RPTOR: variants seen among roughly 807,000 people sequenced by gnomAD.
The protein encoded by RPTOR is regulatory associated protein of MTOR complex 1, also known as regulatory-associated protein of mTOR.
RPTOR carries 21 observed loss-of-function variants against 169.9 expected under a neutral mutation model. That is an observed-to-expected ratio of 0.12 (90% CI 0.09 to 0.18). The LOEUF (loss-of-function observed/expected upper bound fraction) is 0.18. Ranked by LOEUF, RPTOR falls within the 10% of genes least tolerant of loss-of-function variation. The pLI, the probability that RPTOR is intolerant of heterozygous loss-of-function variation, is 1.00. For synonymous variants in RPTOR, 732 were observed against 753.2 expected (o/e 0.97, Z 0.46); for missense variants, 1,133 against 1,855.9 (o/e 0.61, Z 7.16).
chr17:80,671,309 C>T lies in RPTOR; in HGVS notation c.348+27499C>T, dbSNP rs1000636249. 7.2e-5 allele frequency among the ~76,000 whole-genome samples: 11 copies of T among 152,206 alleles called. No homozygotes were observed. The South Asian group carries it at 1.0e-3, about 14-fold the overall frequency. On this transcript the variant is annotated intron_variant, in intron 3 of 33. Transcript: ENST00000306801. ...TGTTCCTGATAATCAAATTTATGGG[C>T]GTGCGTGTGAGAGAGAGAGAGTGTG... is the stretch of plus-strand genomic sequence containing the variant.
At chr17:80,602,563 C>T (rs2065197850) in intron 1 of RPTOR, 1 of 586,634 alleles carries the variant, frequency 1.7e-6, no homozygotes, top group Non-Finnish European at 3.2e-6. Flanking sequence ...TTCTCATCCA[C>T]ATTGACTGTC....
chr17:80,643,387 T>G (rs2065568422), intron 2 of RPTOR, among the ~76,000 whole-genome samples: 1 of 152,218 alleles, frequency 6.6e-6, no homozygotes, highest in African/African-American at 2.4e-5. Flanking sequence ...ATGCTGTCAC[T>G]GCAGAGCTGC....
rs1265090736 is a variant in RPTOR at position 80,646,606 on chromosome 17, G to C, written c.348+2796G>C. On this transcript the variant is annotated intron_variant, in intron 3 of 33. Coordinates refer to ENST00000306801, the MANE Select transcript of RPTOR (RefSeq NM_020761.3). This position sits in a 1 kb window ranked among gnomAD's most constrained non-coding sequence, Gnocchi z 5.0. Reference sequence around the variant, plus strand: ...GTAAATCAGGGTCCTTTGAAACATTGCAAGGCTAAACACGCACCACTTGAT... The same window carrying C: ...GTAAATCAGGGTCCTTTGAAACATTCCAAGGCTAAACACGCACCACTTGAT... Among the ~76,000 whole-genome samples, 1 of 152,180 alleles carries C rather than the reference G, an allele frequency of 6.6e-6. No individual in the cohort carries two copies. The highest frequency in any genetic ancestry group is 2.4e-5 in the African/African-American group (1 of 41,440).
chr17:80,668,861 C>T (rs1211132728), intron 3 of RPTOR, among the ~76,000 whole-genome samples: 1 of 152,234 alleles, frequency 6.6e-6, no homozygotes, highest in Non-Finnish European at 1.5e-5. Context: ...CCCATGATTT[C>T]AGAGAAGAAC....
chr17:80,564,807 C>T (rs2084557551), intron 1 of RPTOR, among the ~76,000 whole-genome samples: 1 of 152,002 alleles, frequency 6.6e-6, no homozygotes, highest in Non-Finnish European at 1.5e-5. Context: ...TTTGCATGTT[C>T]TCTTCATTTA....
intron 3 of RPTOR, among the ~76,000 whole-genome samples, chr17:80,671,449 G>C (rs1476249453): frequency 2.6e-5 from 4 of 152,176 alleles, no homozygotes; most frequent in African/African-American, 4.8e-5. Context: ...CTTGACATTT[G>C]ATGTGTCTAT....
chr17:80,612,369 G>C (rs1227336103), intron 1 of RPTOR, among the ~76,000 whole-genome samples: 2 of 152,144 alleles, frequency 1.3e-5, no homozygotes, highest in Non-Finnish European at 2.9e-5. Context: ...GAGCTCAACA[G>C]ATCCTCCCAC....
chr17:80,945,168 G>A (rs912721470), intron 25 of RPTOR, among the ~76,000 whole-genome samples: 4 of 151,910 alleles, frequency 2.6e-5, no homozygotes, highest in Non-Finnish European at 4.4e-5. Flanking sequence ...GGCGGTGCGC[G>A]CCTATGTCCC....
intron 1 of RPTOR, among the ~76,000 whole-genome samples, chr17:80,547,122 T>C (rs574751660): frequency 6.6e-6 from 1 of 152,322 alleles, no homozygotes; most frequent in East Asian, 1.9e-4. Context: ...CAGTCAGTAG[T>C]AACCAGTTAG....
At chr17:80,942,846 T>C (rs2069050399) in intron 25 of RPTOR, among the ~76,000 whole-genome samples, 1 of 152,208 alleles carries the variant, frequency 6.6e-6, no homozygotes, top group African/African-American at 2.4e-5. Flanking sequence ...TTTTCAAACG[T>C]ACCAAATGCG....
At chr17:80,644,141 A>G (rs1298039224) in intron 3 of RPTOR, among the ~76,000 whole-genome samples, 1 of 152,016 alleles carries the variant, frequency 6.6e-6, no homozygotes, top group Non-Finnish European at 1.5e-5. Flanking sequence ...ATTTTCGATA[A>G]TTTTTCTGCA....
chr17:80,858,155 C>A, intron 13 of RPTOR: 1 of 511,326 alleles, frequency 2.0e-6, no homozygotes, highest in Non-Finnish European at 3.6e-6. Flanking sequence ...CCACACCGTC[C>A]TGTCCCTGGC....
chr17:80,929,318 C>T (rs893489751), intron 24 of RPTOR, among the ~76,000 whole-genome samples: 3 of 152,226 alleles, frequency 2.0e-5, no homozygotes, highest in African/African-American at 7.2e-5. Flanking sequence ...TGGCCAGTTA[C>T]ACAGCAGGCT....
intron 1 of RPTOR, among the ~76,000 whole-genome samples, chr17:80,561,978 A>G (rs12603810): frequency 0.62 from 94,104 of 151,998 alleles, 29,883 homozygotes; most frequent in Middle Eastern, 0.71. Context: ...ACATGTTTAT[A>G]CGTATGTATT....
intron 24 of RPTOR, among the ~76,000 whole-genome samples, chr17:80,937,203 G>A (rs1023683571): frequency 6.6e-6 from 1 of 152,140 alleles, no homozygotes; most frequent in Non-Finnish European, 1.5e-5. Context: ...ATGTGTTAGC[G>A]ATCTTTTCCC....
intron 10 of RPTOR, among the ~76,000 whole-genome samples, chr17:80,843,942 C>T (rs2067698265): frequency 6.6e-6 from 1 of 152,176 alleles, no homozygotes; most frequent in East Asian, 1.9e-4. Flanking sequence ...ATCCAAATCG[C>T]CCTGGGAGAG....
chr17:80,844,634 A>G lies in RPTOR; in HGVS notation c.1213-1839A>G, dbSNP rs1347772432. ...TTAACTTTCTGTAAGCTGGCTGCAC[A>G]GGAGCACGGATTCCTACGTGGTGAA... On this transcript the variant is annotated intron_variant, in intron 10 of 33. Coordinates refer to ENST00000306801, the MANE Select transcript of RPTOR (RefSeq NM_020761.3). The surrounding 1 kb of genome is among the most constrained non-coding windows in gnomAD (Gnocchi z 4.7). Among the ~76,000 whole-genome samples, 2 of 152,242 alleles carry G rather than the reference A, an allele frequency of 1.3e-5. No individual in the cohort carries two copies. Among genetic ancestry groups the G allele is most frequent in the Non-Finnish European group, 2.9e-5 (2 of 68,044 alleles).
chr17:80,774,499 G>A (rs1275566116), intron 6 of RPTOR, among the ~76,000 whole-genome samples: 1 of 152,238 alleles, frequency 6.6e-6, no homozygotes, highest in African/African-American at 2.4e-5. Flanking sequence ...GCCGTCTGGG[G>A]TGGACAGCTT....
chr17:80,958,461 A>AGTG (rs2069287484), intron 29 of RPTOR, among the ~76,000 whole-genome samples: 1 of 119,744 alleles, frequency 8.4e-6, no homozygotes, highest in Non-Finnish European at 1.6e-5. Context: ...CCCAGGCTGG[A>AGTG]GTGCAGTGGC....
Sources: gnomAD v4.1 joint callset for allele counts (sites outside exome capture counted in the v4.1 genomes callset) on GRCh38, gnomAD v4.1.1 for gene constraint, Gnocchi (gnomAD v3.1) non-coding constraint, MANE v1.5 for transcripts, NCBI Gene and HGNC (gene_info 2026-07-23, HGNC 2026-07-21) for gene names.